The following GOLIM4 variants were observed in gnomAD, a reference collection of about 807,000 sequenced individuals.
The protein encoded by GOLIM4 is golgi integral membrane protein 4.
GOLIM4 carries 71 observed loss-of-function variants against 107.4 expected under a neutral mutation model. The observed-to-expected ratio is 0.66, with a 90% CI of 0.55 to 0.81. GOLIM4 has a LOEUF of 0.81. Among genes scored for constraint, GOLIM4 ranks in the 30% least tolerant of loss-of-function variants. The pLI is 0.00. For missense variants in GOLIM4, 830 were observed against 826.1 expected, an observed-to-expected ratio of 1.00 and a Z score of -0.06; for synonymous variants, 327 against 294.8, an observed-to-expected ratio of 1.11 and a Z score of -1.12.
Position 168,010,240 on chromosome 3 carries a change from G to T in GOLIM4, c.*29C>A. ...TGAGCAGCTTGAAAAGAATCCGTTG[G>T]CTGAGCGTTGTCTAGAAATTGGGTG... On this transcript the variant is annotated 3_prime_UTR_variant, in exon 16 of 16. Transcript: ENST00000470487. 6.3e-7 allele frequency: 1 copy of T among 1,598,318 alleles called. No individual in the cohort carries two copies. Among genetic ancestry groups the T allele is most frequent in the Non-Finnish European group, 8.5e-7 (1 of 1,171,826 alleles).
chr3:168,057,462 T>G (rs987565429), intron 1 of GOLIM4, among the ~76,000 whole-genome samples: 1 of 152,098 alleles, frequency 6.6e-6, no homozygotes, highest in South Asian at 2.1e-4. Context: ...CCTCAGGAAA[T>G]TTACAATCAT....
intron 1 of GOLIM4, among the ~76,000 whole-genome samples, chr3:168,053,473 G>A (rs1021205550): frequency 6.6e-6 from 1 of 152,190 alleles, no homozygotes; most frequent in African/African-American, 2.4e-5. Context: ...ATTGAGATTT[G>A]CAAGTACCTC....
chr3:168,077,036 C>T (rs1266369871), intron 1 of GOLIM4, among the ~76,000 whole-genome samples: 1 of 152,138 alleles, frequency 6.6e-6, no homozygotes, highest in Non-Finnish European at 1.5e-5. Flanking sequence ...TACCCTCCGC[C>T]TAAAAGTACA....
At chr3:168,056,220 C>A (rs1719961951) in intron 1 of GOLIM4, among the ~76,000 whole-genome samples, 1 of 152,228 alleles carries the variant, frequency 6.6e-6, no homozygotes, top group African/African-American at 2.4e-5. Flanking sequence ...GTGCAAGTCC[C>A]AAGCCTTGGC....
At position 168,010,020 on chromosome 3, in the gene GOLIM4, G is replaced by A. The variant is rs1279487456; in HGVS notation, c.*249C>T. On this transcript the variant is annotated 3_prime_UTR_variant, in exon 16 of 16. Transcript: ENST00000470487. The stretch of plus-strand genomic sequence containing the variant: ...CATAATCTATTAAAAAAATTGGGAC[G>A]TGGGGGCTCAGGTTTACTTTATTGT... The A allele has an allele frequency of 1.2e-5, 4 of 322,456 alleles. No homozygotes were observed. The highest frequency in any genetic ancestry group is 4.3e-5 in the African/African-American group (2 of 46,812). 20.0% of individuals were successfully genotyped at this position (322,456 alleles called of 1,614,324 possible).
chr3:168,015,556 G>T (rs1186089033), intron 14 of GOLIM4, among the ~76,000 whole-genome samples: 1 of 136,774 alleles, frequency 7.3e-6, no homozygotes, highest in Non-Finnish European at 1.5e-5. Flanking sequence ...AGTTCATATG[G>T]AACCAAAAAA....
At chr3:168,048,940 A>G (rs1167487997) in intron 1 of GOLIM4, among the ~76,000 whole-genome samples, 1 of 152,194 alleles carries the variant, frequency 6.6e-6, no homozygotes, top group African/African-American at 2.4e-5. Context: ...AAAACAGACT[A>G]GAGAAGCACA....
At position 168,024,998 on chromosome 3, in the gene GOLIM4, G is replaced by C. The variant is rs756473309; in HGVS notation, c.1721C>G (p.Pro574Arg). ...EAEQVREENL[P>R]DENEEQKQSN... Reference sequence around the variant, plus strand: ...TTGTTTTTGCTCTTCATTTTCATCTGGCAAATTTTCTTCTCTCACTTGCTC... The same window carrying C: ...TTGTTTTTGCTCTTCATTTTCATCTCGCAAATTTTCTTCTCTCACTTGCTC... The change falls in exon 13 of 16, where the codon CCA becomes CGA. Residue 574 changes from proline to arginine, a missense_variant. Physicochemically the swap from Pro to Arg is moderately radical, Grantham distance 103. Coordinates refer to ENST00000470487, the MANE Select transcript of GOLIM4 (RefSeq NM_014498.5). The C allele has an allele frequency of 2.7e-5, 43 of 1,613,588 alleles. No homozygotes were observed. In the South Asian group the frequency reaches 4.4e-4, roughly 16 times the overall value.
chr3:168,092,633 C>T (rs574243032), intron 1 of GOLIM4, among the ~76,000 whole-genome samples: 7 of 152,138 alleles, frequency 4.6e-5, no homozygotes, highest in Non-Finnish European at 8.8e-5. Context: ...CCAGGTCAAG[C>T]AATCCCACCT....
At chr3:168,094,368 T>A (rs750584200) in intron 1 of GOLIM4, among the ~76,000 whole-genome samples, 16 of 152,220 alleles carry the variant, frequency 1.1e-4, no homozygotes, top group Non-Finnish European at 1.8e-4. Context: ...TTCCCGAAGC[T>A]AACTGTAACA....
At chr3:168,059,741 A>G (rs1720156614) in intron 1 of GOLIM4, among the ~76,000 whole-genome samples, 1 of 152,220 alleles carries the variant, frequency 6.6e-6, no homozygotes, top group Non-Finnish European at 1.5e-5. Context: ...AAGAGACTGG[A>G]GGCGTGGGGA....
chr3:168,068,208 G>C (rs187552319), intron 1 of GOLIM4, among the ~76,000 whole-genome samples: 1 of 151,850 alleles, frequency 6.6e-6, no homozygotes, highest in African/African-American at 2.4e-5. Context: ...ACAAAACATA[G>C]ATTAGTAAGT....
chr3:168,059,210 C>T (rs901670771), intron 1 of GOLIM4, among the ~76,000 whole-genome samples: 1 of 152,052 alleles, frequency 6.6e-6, no homozygotes, highest in Non-Finnish European at 1.5e-5. Flanking sequence ...GCAAGTAATG[C>T]TAGCAAAAAG....
intron 8 of GOLIM4, among the ~76,000 whole-genome samples, chr3:168,035,987 T>C (rs1718632568): frequency 6.6e-6 from 1 of 152,200 alleles, no homozygotes; most frequent in African/African-American, 2.4e-5. Flanking sequence ...CTAGCACTCA[T>C]ACCCGTAGGA....
chr3:168,010,636 G>T lies in GOLIM4; in HGVS notation c.1941+107C>A, dbSNP rs895659736. The T allele has an allele frequency of 5.4e-5, 48 of 895,522 alleles. 1 individual carries two copies. Among genetic ancestry groups the T allele is most frequent in the Middle Eastern group, 2.2e-4 (1 of 4,556 alleles). 55.5% of individuals were successfully genotyped at this position (895,522 alleles called of 1,614,324 possible). ...CTGTTAAATTCAGTGGTAACTCAGA[G>T]GTACCATTACCCACTGGTACGTATC... On this transcript the variant is annotated intron_variant, in intron 15 of 15. Coordinates refer to ENST00000470487, the MANE Select transcript of GOLIM4 (RefSeq NM_014498.5).
At chr3:168,035,254 C>T (rs1430678146) in intron 8 of GOLIM4, among the ~76,000 whole-genome samples, 2 of 152,084 alleles carry the variant, frequency 1.3e-5, no homozygotes, top group Admixed American at 6.6e-5. Context: ...GGAGACTGCT[C>T]CAAGACCTAA....
chr3:168,045,256 A>C (rs1300559899), intron 3 of GOLIM4, among the ~76,000 whole-genome samples: 2 of 152,118 alleles, frequency 1.3e-5, no homozygotes, highest in Non-Finnish European at 2.9e-5. Context: ...TTGAGGTAAG[A>C]GGGAAGAAGA....
Position 168,095,021 on chromosome 3 carries a change from A to T in GOLIM4, c.187+78T>A. On this transcript the variant is annotated intron_variant, in intron 1 of 15. Transcript: ENST00000470487. The stretch of plus-strand genomic sequence containing the variant: ...GTGGCAACCACAGTGCCAATAGCTC[A>T]CCAAAGCCACTTTTCCTGCCCGGGT... 4 of 1,179,386 alleles carry T rather than the reference A, an allele frequency of 3.4e-6. No homozygotes were observed. In the Admixed American group the frequency reaches 6.4e-5, roughly 19 times the overall value. 73.1% of individuals were successfully genotyped at this position (1,179,386 alleles called of 1,614,324 possible). A position where few individuals can be genotyped will look rare whatever the true frequency, so the allele number is the denominator to read the frequency against.
rs776947291 is a variant in GOLIM4, at chr3:168,043,351, T to C, written c.517+28A>G. 1.2e-5 allele frequency: 18 copies of C among 1,532,100 alleles called. No individual in the cohort carries two copies. In the South Asian group the frequency reaches 2.1e-4, roughly 18 times the overall value. The allele number at this position is 1,532,100 out of a possible 1,614,324, so 94.9% of individuals were successfully genotyped here. ...ATTAATATCAGTACTTATTTAGAGA[T>C]AAACTGGCTAATCAGATTTCCAAAT... is the stretch of plus-strand genomic sequence containing the variant. On this transcript the variant is annotated intron_variant, in intron 5 of 15. Coordinates refer to ENST00000470487, the MANE Select transcript of GOLIM4 (RefSeq NM_014498.5).
Sources: gnomAD v4.1 joint callset for allele counts (sites outside exome capture counted in the v4.1 genomes callset) on GRCh38, gnomAD v4.1.1 for gene constraint, MANE v1.5 for transcripts, NCBI Gene and HGNC (gene_info 2026-07-23, HGNC 2026-07-21) for gene names.